Variants in SESN3 observed in about 807,000 individuals in gnomAD.
SESN3 encodes the protein sestrin 3, also known as sestrin-3.
SESN3 carries 21 observed loss-of-function variants against 55.3 expected under a neutral mutation model. The ratio of observed to expected loss-of-function variants is 0.38; its 90% CI spans 0.27 to 0.55. The LOEUF (loss-of-function observed/expected upper bound fraction) is 0.55. Ranked by LOEUF, SESN3 falls within the 20% of genes least tolerant of loss-of-function variation. The pLI is 0.76. For missense variants in SESN3, 408 were observed against 604.3 expected, an observed-to-expected ratio of 0.68 and a Z score of 3.41; for synonymous variants, 181 against 203.1, an observed-to-expected ratio of 0.89 and a Z score of 0.93.
At chr11:95,205,159 T>C (rs1860525589) in intron 1 of SESN3, among the ~76,000 whole-genome samples, 1 of 152,226 alleles carries the variant, frequency 6.6e-6, no homozygotes, top group Non-Finnish European at 1.5e-5. Context: ...GGGAACTATG[T>C]TGTTCTACAT....
intron 1 of SESN3, among the ~76,000 whole-genome samples, chr11:95,223,009 C>G (rs1565476728): frequency 1.3e-5 from 2 of 152,140 alleles, no homozygotes; most frequent in African/African-American, 4.8e-5. Context: ...GTCTAAGGGA[C>G]AAGTTAGATA....
intron 1 of SESN3, among the ~76,000 whole-genome samples, chr11:95,194,231 G>A (rs1204403713): frequency 6.6e-6 from 1 of 151,862 alleles, no homozygotes; most frequent in Admixed American, 6.6e-5. Context: ...ATAAAAATTC[G>A]AATCAGAGAA....
At chr11:95,224,745 G>A (rs1407845150) in intron 1 of SESN3, among the ~76,000 whole-genome samples, 3 of 152,134 alleles carry the variant, frequency 2.0e-5, no homozygotes, top group African/African-American at 2.4e-5. Context: ...ATCACTGGCA[G>A]CAAATAGTGT....
At chr11:95,193,722 T>C (rs183991545) in intron 1 of SESN3, among the ~76,000 whole-genome samples, 200 bp from the exon 2 acceptor site, 29 of 152,224 alleles carry the variant, frequency 1.9e-4, no homozygotes, top group African/African-American at 5.5e-4. Context: ...ACACCTACCA[T>C]AGTGCTAAGT....
At chr11:95,177,050 T>C (rs988660014) in intron 8 of SESN3, among the ~76,000 whole-genome samples, 1 of 152,176 alleles carries the variant, frequency 6.6e-6, no homozygotes, top group African/African-American at 2.4e-5. Context: ...TATAGTCAAG[T>C]TGAATAATTT....
chr11:95,188,725 A>G (rs1475801306), intron 4 of SESN3, among the ~76,000 whole-genome samples: 2 of 151,814 alleles, frequency 1.3e-5, no homozygotes, highest in African/African-American at 4.8e-5. Flanking sequence ...CATTCTCTTT[A>G]TTCATACATT....
At chr11:95,198,665 A>G (rs1330951708) in intron 1 of SESN3, among the ~76,000 whole-genome samples, 1 of 152,200 alleles carries the variant, frequency 6.6e-6, no homozygotes, top group African/African-American at 2.4e-5. Context: ...CACTAGCCAC[A>G]TGTGCCTATT....
Position 95,211,590 on chromosome 11 carries a change from A to AC in SESN3, c.79-18069dup, listed in dbSNP as rs1292024495. Among the ~76,000 whole-genome samples the AC allele has an allele frequency of 9.2e-5, 14 of 152,006 alleles. 1 individual carries two copies. Among genetic ancestry groups the AC allele is most frequent in the Admixed American group, 2.6e-4 (4 of 15,270 alleles). ...AGACCAGCCTGGCCAATATGGTGAAACCCCATCTCTACCAAAAAAAAATAC... is the reference window on the plus strand; with the variant it reads ...AGACCAGCCTGGCCAATATGGTGAAACCCCCATCTCTACCAAAAAAAAATAC... On this transcript the variant is annotated intron_variant, in intron 1 of 9. Coordinates refer to ENST00000536441, the MANE Select transcript of SESN3 (RefSeq NM_144665.4).
At position 95,167,307 on chromosome 11, in the gene SESN3, A is replaced by G. The variant is rs1269338373; in HGVS notation, c.*5948T>C. 3 of 152,144 alleles carry G rather than the reference A, an allele frequency of 2.0e-5. No homozygotes were observed. Among genetic ancestry groups the G allele is most frequent in the Admixed American group, 6.6e-5 (1 of 15,264 alleles). 9.4% of individuals were successfully genotyped at this position (152,144 alleles called of 1,614,324 possible). A position where few individuals can be genotyped will look rare whatever the true frequency, so the allele number is the denominator to read the frequency against. ...AATAGACTGTTCTAGCAAAATTTAC[A>G]TAACAAAAATTCTATTCATCTTATT... On this transcript the variant is annotated 3_prime_UTR_variant, in exon 10 of 10. Coordinates refer to ENST00000536441, the MANE Select transcript of SESN3 (RefSeq NM_144665.4).
At chr11:95,177,308 T>C (rs1173558345) in intron 8 of SESN3, among the ~76,000 whole-genome samples, 2 of 152,176 alleles carry the variant, frequency 1.3e-5, no homozygotes, top group Non-Finnish European at 2.9e-5. Flanking sequence ...GTTTTGTTTA[T>C]ACCGTAATTA....
chr11:95,226,407 T>C (rs1057233107), intron 1 of SESN3, among the ~76,000 whole-genome samples: 4 of 152,222 alleles, frequency 2.6e-5, no homozygotes, highest in African/African-American at 9.6e-5. Context: ...CATTAGTAGT[T>C]ATGTTTTCTA....
At chr11:95,193,617 A>T in intron 1 of SESN3, 95 bp from the exon 2 acceptor site, 2 of 721,438 alleles carry the variant, frequency 2.8e-6, no homozygotes, top group Non-Finnish European at 4.7e-6. Context: ...AAATAAAGAG[A>T]ATAAATAATT....
At position 95,216,461 on chromosome 11, in the gene SESN3, C is replaced by T. The variant is rs543804299; in HGVS notation, c.78+14322G>A. ...AAAATTTACTAAATATACACTGTCACAATGAGTTCAAATTTTAGTAGCACT... is the reference window on the plus strand; with the variant it reads ...AAAATTTACTAAATATACACTGTCATAATGAGTTCAAATTTTAGTAGCACT... On this transcript the variant is annotated intron_variant, in intron 1 of 9. Transcript: ENST00000536441. 5.3e-5 allele frequency among the ~76,000 whole-genome samples: 8 copies of T among 152,250 alleles called. No homozygotes were observed. In the South Asian group the frequency reaches 1.7e-3, roughly 32 times the overall value.
chr11:95,225,960 A>G (rs564282664), intron 1 of SESN3, among the ~76,000 whole-genome samples: 3 of 152,022 alleles, frequency 2.0e-5, no homozygotes, highest in Non-Finnish European at 2.9e-5. Context: ...TCAAAAGTCA[A>G]TGCCTTGCTA....
At chr11:95,207,915 C>A (rs556385234) in intron 1 of SESN3, among the ~76,000 whole-genome samples, 14 of 151,078 alleles carry the variant, frequency 9.3e-5, no homozygotes, top group African/African-American at 3.4e-4. Context: ...TTCAAGTGAT[C>A]CACCTGCCTG....
Position 95,191,531 on chromosome 11 carries a change from AGAC to A in SESN3, c.212_214del (p.Arg71del). 6.2e-7 allele frequency: 1 copy of A among 1,613,036 alleles called. No individual in the cohort carries two copies. Among genetic ancestry groups the A allele is most frequent in the Non-Finnish European group, 8.5e-7 (1 of 1,179,308 alleles). On this transcript the variant is annotated inframe_deletion, in exon 3 of 10. Coordinates refer to ENST00000536441, the MANE Select transcript of SESN3 (RefSeq NM_144665.4). Reference sequence around the variant, plus strand: ...ACTCATGACCTGTGTGATGTTGTCCAGACGACCGGATGTAGAGTATTCTTCCAC... The same window carrying A: ...ACTCATGACCTGTGTGATGTTGTCCAGACCGGATGTAGAGTATTCTTCCAC...
intron 6 of SESN3, among the ~76,000 whole-genome samples, chr11:95,179,413 CG>C (rs1315706749): frequency 6.6e-6 from 1 of 152,072 alleles, no homozygotes; most frequent in Non-Finnish European, 1.5e-5. Flanking sequence ...CTTGGCCTCC[CG>C]AAGTGCAGCT....
rs563322416 is a variant in SESN3 at position 95,167,475 on chromosome 11, C to CCATATATATATAT, written c.*5779_*5780insATATATATATATG. The CCATATATATATAT allele has an allele frequency of 1.3e-5, 2 of 150,822 alleles. No individual in the cohort carries two copies. Among genetic ancestry groups the CCATATATATATAT allele is most frequent in the African/African-American group, 5.0e-5 (2 of 40,224 alleles). 9.3% of individuals were successfully genotyped at this position (150,822 alleles called of 1,614,324 possible). On this transcript the variant is annotated 3_prime_UTR_variant, in exon 10 of 10. Transcript: ENST00000536441. ...TCAGATATTCATTCTGTTTCCCCCC[C>CCATATATATATAT]ATATATATAATTTTTCATTCTGTAC...
At chr11:95,223,969 A>G (rs762774033) in intron 1 of SESN3, among the ~76,000 whole-genome samples, 3 of 152,252 alleles carry the variant, frequency 2.0e-5, no homozygotes, top group Non-Finnish European at 4.4e-5. Flanking sequence ...AATCTATTAC[A>G]AAATAATATA....
Sources: gnomAD v4.1 joint callset for allele counts (sites outside exome capture counted in the v4.1 genomes callset) on GRCh38, gnomAD v4.1.1 for gene constraint, MANE v1.5 for transcripts, NCBI Gene and HGNC (gene_info 2026-07-23, HGNC 2026-07-21) for gene names.